Variants in BPIFA2 observed in about 807,000 individuals in gnomAD.
BPIFA2 encodes BPI fold-containing family A member 2.
BPIFA2 carries 20 observed loss-of-function variants against 25.7 expected under a neutral mutation model. The observed-to-expected ratio is 0.78, with a 90% CI of 0.55 to 1.13. The LOEUF is 1.13. Ranked by LOEUF, BPIFA2 falls within the 50% of genes most tolerant of loss-of-function variation. BPIFA2 has a pLI of 0.00. For synonymous variants in BPIFA2, 126 were observed against 124.3 expected (o/e 1.01, Z -0.09); for missense variants, 300 against 298.1 (o/e 1.01, Z -0.05).
At position 33,174,185 on chromosome 20, in the gene BPIFA2, G is replaced by A. The variant is rs757749859; in HGVS notation, c.409G>A (p.Gly137Arg). 37 of 1,613,730 alleles carry A rather than the reference G, an allele frequency of 2.3e-5. No individual in the cohort carries two copies. Among genetic ancestry groups the A allele is most frequent in the South Asian group, 6.6e-5 (6 of 91,066 alleles). ...FPVTANVTVA[G>R]PIIGQIINLK... ...TGTCACCGCGAATGTCACTGTGGCCGGGTGAGTATGCACTAGAATCTGAGA... is the reference window on the plus strand; with the variant it reads ...TGTCACCGCGAATGTCACTGTGGCCAGGTGAGTATGCACTAGAATCTGAGA... Residue 137 changes from glycine to arginine, a missense_variant and splice_region_variant, in exon 4 of 9, where the codon GGG becomes AGG. By Grantham distance (125) the Gly-to-Arg change is moderately radical (BLOSUM62 -2). Transcript: ENST00000354932.
chr20:33,169,739 T>C (rs1350608013), intron 2 of BPIFA2, among the ~76,000 whole-genome samples: 1 of 151,672 alleles, frequency 6.6e-6, no homozygotes, highest in Admixed American at 6.5e-5. Flanking sequence ...AGCCCTCTTC[T>C]TTTTTCATAT....
At chr20:33,179,038 AT>A (rs982839253) in intron 6 of BPIFA2, among the ~76,000 whole-genome samples, 3 of 152,080 alleles carry the variant, frequency 2.0e-5, no homozygotes, top group African/African-American at 7.2e-5. Context: ...TAGAATGTAG[AT>A]TTTTGAGGTC....
intron 4 of BPIFA2, 62 bp from the exon 5 acceptor site, chr20:33,175,345 C>T: frequency 6.6e-7 from 1 of 1,523,234 alleles, no homozygotes; most frequent in Non-Finnish European, 8.9e-7. Context: ...GGTGGAGGAA[C>T]CCAACTGGGC....
At chr20:33,177,335 A>G (rs1984114490) in intron 5 of BPIFA2, among the ~76,000 whole-genome samples, 3 of 150,444 alleles carry the variant, frequency 2.0e-5, no homozygotes, top group Admixed American at 6.6e-5. Flanking sequence ...AGTCTGGGTG[A>G]CAGAGCAAGA....
intron 4 of BPIFA2, 79 bp from the exon 5 acceptor site, chr20:33,175,328 C>A: frequency 7.1e-7 from 1 of 1,404,346 alleles, no homozygotes; most frequent in Non-Finnish European, 9.8e-7. Flanking sequence ...TGACTCATGT[C>A]CACACAGGTG....
chr20:33,167,142 C>A (rs1019968485), upstream of BPIFA2, among the ~76,000 whole-genome samples: 1 of 152,196 alleles, frequency 6.6e-6, no homozygotes, highest in African/African-American at 2.4e-5. Flanking sequence ...CTTGTCCCAC[C>A]GTTTGCTTGG....
intron 7 of BPIFA2, 118 bp downstream of exon 7, chr20:33,179,785 A>T (rs1984211397): frequency 9.6e-7 from 1 of 1,037,608 alleles, no homozygotes; most frequent in African/African-American, 1.6e-5. Flanking sequence ...TCCTAAGCAA[A>T]TTGGGAGCCA....
rs184131893 is a variant in BPIFA2, at chr20:33,163,032, C to T, written c.-16+1134C>T. ...TTTGTGGAAAGTAATTGTCAGTGTG[C>T]GTGTTGGCCTCTGCCCCTGCTGGTG... On this transcript the variant is annotated intron_variant, in intron 1 of 8. Coordinates refer to the BPIFA2 transcript ENST00000253362. Among the ~76,000 whole-genome samples the T allele has an allele frequency of 3.9e-5, 6 of 152,304 alleles. No homozygotes were observed. In the South Asian group the frequency reaches 6.2e-4, roughly 16 times the overall value.
chr20:33,179,652 A>T lies in BPIFA2; in HGVS notation c.694A>T (p.Ile232Phe). Residue 232 changes from isoleucine (I) to phenylalanine (F), a missense_variant, in exon 7 of 9, where the codon ATT becomes TTT. By Grantham distance (21) the Ile-to-Phe change is conservative. Coordinates refer to ENST00000354932, the MANE Select transcript of BPIFA2 (RefSeq NM_080574.4). ...CATCCACTCCCTGGATGTGAATGTC[A>T]TTCAGCAGGTCGTCGGTAAGTCAAT... ...IFIHSLDVNVIQQVVDNPQHK... is the reference protein window; with the variant it reads ...IFIHSLDVNVFQQVVDNPQHK... The T allele has an allele frequency of 1.9e-6, 3 of 1,612,268 alleles. No homozygotes were observed. Among genetic ancestry groups the T allele is most frequent in the Non-Finnish European group, 2.5e-6 (3 of 1,178,472 alleles).
upstream of BPIFA2, among the ~76,000 whole-genome samples, chr20:33,163,588 T>C (rs1487427070): frequency 2.0e-5 from 3 of 152,096 alleles, no homozygotes; most frequent in African/African-American, 7.2e-5. Flanking sequence ...TTTGGGAGGC[T>C]AAGGCAGGCG....
chr20:33,180,444 G>A (rs762568988), intron 7 of BPIFA2, 76 bp from the exon 8 acceptor site: 67 of 1,493,244 alleles, frequency 4.5e-5, no homozygotes, highest in Non-Finnish European at 5.3e-5. Context: ...GCTGGAGAGC[G>A]GCATCTTTTG....
At chr20:33,168,456 C>A (rs1983791255) in intron 1 of BPIFA2, among the ~76,000 whole-genome samples, 1 of 151,868 alleles carries the variant, frequency 6.6e-6, no homozygotes, top group Non-Finnish European at 1.5e-5. Flanking sequence ...AGACAAATGG[C>A]AAATCAGAGT....
At chr20:33,179,777 C>T in intron 7 of BPIFA2, 110 bp downstream of exon 7, 3 of 1,146,598 alleles carry the variant, frequency 2.6e-6, no homozygotes, top group South Asian at 2.5e-5. Context: ...ACCCACTGTC[C>T]TAAGCAAATT....
At chr20:33,174,566 A>G (rs1269693612) in intron 4 of BPIFA2, among the ~76,000 whole-genome samples, 3 of 152,212 alleles carry the variant, frequency 2.0e-5, no homozygotes, top group Non-Finnish European at 4.4e-5. Flanking sequence ...AATTCATACA[A>G]TAATACACAG....
chr20:33,166,503 T>C (rs971574189), upstream of BPIFA2, among the ~76,000 whole-genome samples: 11 of 152,342 alleles, frequency 7.2e-5, no homozygotes, highest in African/African-American at 2.6e-4. Flanking sequence ...ATTACACTAA[T>C]TTGACCTCAC....
chr20:33,164,006 A>G (rs909866196), upstream of BPIFA2, among the ~76,000 whole-genome samples: 2 of 152,058 alleles, frequency 1.3e-5, no homozygotes, highest in African/African-American at 4.8e-5. Flanking sequence ...GGAGGAGTAA[A>G]TGGAGAGAAT....
chr20:33,178,262 G>T, intron 6 of BPIFA2, 34 bp downstream of exon 6: 1 of 1,500,406 alleles, frequency 6.7e-7, no homozygotes. Flanking sequence ...CCAGATCCAG[G>T]CCTGGTGGGG....
intron 1 of BPIFA2, among the ~76,000 whole-genome samples, chr20:33,168,874 G>A (rs189117127): frequency 7.9e-5 from 12 of 152,308 alleles, no homozygotes; most frequent in African/African-American, 1.7e-4. Flanking sequence ...AGAAGACAGC[G>A]TATGAAAAGG....
chr20:33,178,315 CT>C, intron 6 of BPIFA2, 87 bp downstream of exon 6: 2 of 1,043,042 alleles, frequency 1.9e-6, no homozygotes, highest in Non-Finnish European at 2.8e-6. Flanking sequence ...CCTCTGAGCA[CT>C]TTTCCTTCGG....
Sources: gnomAD v4.1 joint callset for allele counts (sites outside exome capture counted in the v4.1 genomes callset) on GRCh38, gnomAD v4.1.1 for gene constraint, MANE v1.5 for transcripts, NCBI Gene and HGNC (gene_info 2026-07-23, HGNC 2026-07-21) for gene names.